Variants in ABCA1 observed in about 807,000 individuals in gnomAD.
ABCA1 encodes phospholipid-transporting ATPase ABCA1.
In ABCA1, 133 loss-of-function variants were observed where a neutral mutation model predicts 262.5. That is an observed-to-expected ratio of 0.51 (90% CI 0.44 to 0.59). The LOEUF (loss-of-function observed/expected upper bound fraction) is 0.59, where lower values mean the gene tolerates loss of function less well. Among genes scored for constraint, ABCA1 ranks in the 20% least tolerant of loss-of-function variants. ABCA1 has a pLI of 0.00. For synonymous variants in ABCA1, 1,022 were observed against 1,043.5 expected, an observed-to-expected ratio of 0.98 and a Z score of 0.40; for missense variants, 2,452 against 2,777.5, an observed-to-expected ratio of 0.88 and a Z score of 2.63.
At chr9:104,880,381 T>C (rs1436823837) in intron 5 of ABCA1, among the ~76,000 whole-genome samples, 1 of 151,946 alleles carries the variant, frequency 6.6e-6, no homozygotes, top group Non-Finnish European at 1.5e-5. Context: ...ATGCCTGTCA[T>C]CCCAGCCCTT....
Position 104,786,671 on chromosome 9 carries a change from T to C in ABCA1, c.6308+202A>G, listed in dbSNP as rs151228413. Among the ~76,000 whole-genome samples, 5 of 152,358 alleles carry C rather than the reference T, an allele frequency of 3.3e-5. No homozygotes were observed. In the East Asian group the frequency reaches 9.6e-4, roughly 29 times the overall value. On this transcript the variant is annotated intron_variant, in intron 47 of 49. Transcript: ENST00000374736. Reference sequence around the variant, plus strand: ...GACACCTAAATGCACTGACTTGGAATAATGTTTACAATATATTAAGTGAAA... The same window carrying C: ...GACACCTAAATGCACTGACTTGGAACAATGTTTACAATATATTAAGTGAAA...
Position 104,817,292 on chromosome 9 carries a change from G to C in ABCA1, c.3535+40C>G. The C allele has an allele frequency of 6.2e-7, 1 of 1,613,998 alleles. No homozygotes were observed. The highest frequency in any genetic ancestry group is 8.5e-7 in the Non-Finnish European group (1 of 1,179,966). ...CCTCCACTCTGCCCAGCTGGGGGAA[G>C]CTCAGGCACCACCTGAATAAGAAAC... On this transcript the variant is annotated intron_variant, in intron 24 of 49. Transcript: ENST00000374736. The surrounding 1 kb of genome is among the most constrained non-coding windows in gnomAD (Gnocchi z 4.7).
At position 104,804,658 on chromosome 9, in the gene ABCA1, C is replaced by G; in HGVS notation, c.4527G>C (p.Leu1509=). ...DLTGRNISDY[L]VKTYVQIIAK... is the part of the protein sequence containing the mutation. ...CTATGATCTGCACATACGTCTTCAC[C>G]AGATAATCCGAAATGTTTCTTCCTG... Residue 1509 remains leucine (L), a synonymous_variant, in exon 32 of 50, where the codon CTG becomes CTC. Transcript: ENST00000374736. The G allele has an allele frequency of 6.2e-7, 1 of 1,614,180 alleles. No individual in the cohort carries two copies.
chr9:104,785,657 T>A lies in ABCA1; in HGVS notation c.6402-18A>T. On this transcript the variant is annotated intron_variant, in intron 48 of 49. Transcript: ENST00000374736. ...CTCCAAACCTGAAAGCAGGAAAAAA[T>A]ACCCAAATGGAGGATCTCCAGAAAA... The A allele has an allele frequency of 6.2e-7, 1 of 1,613,480 alleles. No individual in the cohort carries two copies. Among genetic ancestry groups the A allele is most frequent in the Non-Finnish European group, 8.5e-7 (1 of 1,179,924 alleles).
chr9:104,886,473 A>G (rs1454389302), intron 3 of ABCA1, among the ~76,000 whole-genome samples: 1 of 152,188 alleles, frequency 6.6e-6, no homozygotes, highest in Non-Finnish European at 1.5e-5. Flanking sequence ...CTTCCTGTTA[A>G]TAGTTCAAGG....
intron 2 of ABCA1, among the ~76,000 whole-genome samples, chr9:104,894,302 A>G (rs146562847): frequency 6.6e-6 from 1 of 152,262 alleles, no homozygotes; most frequent in East Asian, 1.9e-4. Context: ...GATGCTCAAA[A>G]TATGTTGGTT....
intron 1 of ABCA1, chr9:104,927,655 G>A (rs1826457649): frequency 6.6e-6 from 1 of 152,368 alleles, no homozygotes; most frequent in Non-Finnish European, 1.5e-5. Context: ...CGACCCCTCT[G>A]AGCCCGGGGT....
chr9:104,831,160 A>T (rs1833279589), intron 13 of ABCA1, 59 bp from the exon 14 acceptor site: 1 of 1,451,010 alleles, frequency 6.9e-7, no homozygotes, highest in African/African-American at 1.5e-5. Context: ...AAAAAAAAAA[A>T]AAAAAAAAAA....
chr9:104,826,515 C>T (rs1564139347), intron 16 of ABCA1, among the ~76,000 whole-genome samples: 1 of 152,288 alleles, frequency 6.6e-6, no homozygotes, highest in East Asian at 1.9e-4. Context: ...AGCAAAACAC[C>T]ATACTGGACA....
At chr9:104,866,611 T>A (rs111373539) in intron 5 of ABCA1, among the ~76,000 whole-genome samples, 11,597 of 151,988 alleles carry the variant, frequency 0.076, 685 homozygotes, top group African/African-American at 0.17. Context: ...CCTCCCGAGT[T>A]GTTGGGATTA....
intron 5 of ABCA1, among the ~76,000 whole-genome samples, chr9:104,868,296 G>T (rs979679783): frequency 6.6e-6 from 1 of 152,116 alleles, no homozygotes; most frequent in South Asian, 2.1e-4. Context: ...AGGTTGCAGT[G>T]AGCCGAGATC....
At chr9:104,918,243 C>G (rs761847375) in intron 1 of ABCA1, among the ~76,000 whole-genome samples, 1 of 152,062 alleles carries the variant, frequency 6.6e-6, no homozygotes, top group Non-Finnish European at 1.5e-5. Flanking sequence ...CAATGAGGAG[C>G]CAAACAATGC....
At chr9:104,830,374 C>T (rs1359048705) in intron 14 of ABCA1, among the ~76,000 whole-genome samples, 1 of 152,098 alleles carries the variant, frequency 6.6e-6, no homozygotes, top group Non-Finnish European at 1.5e-5. Flanking sequence ...CAAATTTTGA[C>T]CAAAAGGGTA....
Position 104,799,871 on chromosome 9 carries a change from C to T in ABCA1, c.4891G>A (p.Ala1631Thr). 6.2e-7 allele frequency: 1 copy of T among 1,614,174 alleles called. No individual in the cohort carries two copies. Among genetic ancestry groups the T allele is most frequent in the South Asian group, 1.1e-5 (1 of 91,080 alleles). Residue 1631 changes from alanine (A) to threonine (T), a missense_variant, in exon 36 of 50, where the codon GCT becomes ACT. This residue lies in a region of ABCA1 where 752 missense variants were observed against 944.5 expected (regional missense o/e 0.80). Transcript: ENST00000374736. ...GTGAGATTCAGGGGATGATTGAAAG[C>T]AGTAATTCCATAATGGCTAGGGTTC... ...GENPSHYGITAFNHPLNLTKQ... is the reference protein window; with the variant it reads ...GENPSHYGITTFNHPLNLTKQ...
rs2066716 is a variant in ABCA1, at chr9:104,806,424, C to G, written c.4281G>C (p.Thr1427=). ...RCMEGNPIPD[T]PCQAGEEEWT... ...ACTCTTCCTCCCCTGCCTGGCAGGG[C>G]GTGTCTCTGCAAAGGGAAGACAGCA... The change falls in exon 31 of 50, where the codon ACG becomes ACC. Residue 1427 remains threonine, a synonymous_variant. Transcript: ENST00000374736. 1.2e-6 allele frequency: 2 copies of G among 1,613,900 alleles called. No individual in the cohort carries two copies. The highest frequency in any genetic ancestry group is 4.5e-5 in the East Asian group (2 of 44,846).
intron 5 of ABCA1, among the ~76,000 whole-genome samples, chr9:104,867,779 C>T (rs1203678921): frequency 6.6e-6 from 1 of 152,090 alleles, no homozygotes; most frequent in East Asian, 1.9e-4. Context: ...ATGACCTGGA[C>T]GAAAGACCAA....
intron 2 of ABCA1, among the ~76,000 whole-genome samples, chr9:104,890,901 G>T (rs753575464): frequency 2.7e-4 from 41 of 152,282 alleles, no homozygotes; most frequent in Non-Finnish European, 4.4e-4. Context: ...CTAGTAAACT[G>T]AAGTAACAAT....
chr9:104,893,999 G>A (rs1295025186), intron 2 of ABCA1, among the ~76,000 whole-genome samples: 1 of 152,176 alleles, frequency 6.6e-6, no homozygotes, highest in East Asian at 1.9e-4. Flanking sequence ...TGTGAGGTAG[G>A]TTGTATCATT....
intron 41 of ABCA1, 98 bp from the exon 42 acceptor site, chr9:104,793,004 C>T (rs533369857): frequency 6.3e-7 from 1 of 1,598,530 alleles, no homozygotes; most frequent in East Asian, 2.2e-5. Context: ...TTGCCACAGT[C>T]TCCAGGATGG....
Sources: gnomAD v4.1 joint callset for allele counts (sites outside exome capture counted in the v4.1 genomes callset) on GRCh38, gnomAD v4.1.1 for gene constraint, gnomAD v4.1.1 regional missense constraint, Gnocchi (gnomAD v3.1) non-coding constraint, MANE v1.5 for transcripts, NCBI Gene and HGNC (gene_info 2026-07-23, HGNC 2026-07-21) for gene names.